KLHL22: variants seen among roughly 807,000 people sequenced by gnomAD.
The protein encoded by KLHL22 is kelch like family member 22.
Under a neutral mutation model 60.7 loss-of-function variants are expected in KLHL22, and 18 were observed. That is an observed-to-expected ratio of 0.30 (90% CI 0.20 to 0.44). KLHL22 has a LOEUF of 0.44. Among genes scored for constraint, KLHL22 ranks in the 20% least tolerant of loss-of-function variants. The probability of loss-of-function intolerance (pLI) is 1.00; values close to 1 mark genes in which losing one functional copy is unlikely to be tolerated. For synonymous variants in KLHL22, 355 were observed against 354.5 expected, an observed-to-expected ratio of 1.00 and a Z score of -0.01; for missense variants, 596 against 852.3, an observed-to-expected ratio of 0.70 and a Z score of 3.74.
At chr22:20,474,707 T>C (rs2053382421) in intron 2 of KLHL22, among the ~76,000 whole-genome samples, 1 of 152,364 alleles carries the variant, frequency 6.6e-6, no homozygotes, top group South Asian at 2.1e-4. Flanking sequence ...TCTCACTTCT[T>C]TAACCCATTT....
At chr22:20,467,224 C>T (rs575049271) in intron 3 of KLHL22, among the ~76,000 whole-genome samples, 1 of 152,308 alleles carries the variant, frequency 6.6e-6, no homozygotes, top group East Asian at 1.9e-4. Context: ...CTTGAACATT[C>T]CCAGGCACTG....
chr22:20,469,748 G>A (rs754966596), intron 3 of KLHL22, among the ~76,000 whole-genome samples: 5 of 145,400 alleles, frequency 3.4e-5, no homozygotes, highest in African/African-American at 5.1e-5. Context: ...ACATGCCCCC[G>A]AACAGGTTGG....
intron 5 of KLHL22, among the ~76,000 whole-genome samples, chr22:20,454,266 T>C (rs1440834381): frequency 6.6e-6 from 1 of 151,928 alleles, no homozygotes; most frequent in Non-Finnish European, 1.5e-5. Context: ...GAGGCAGAGG[T>C]TGCAGTGAGC....
At chr22:20,469,906 G>A (rs183607623) in intron 3 of KLHL22, among the ~76,000 whole-genome samples, 13 of 152,130 alleles carry the variant, frequency 8.5e-5, no homozygotes, top group African/African-American at 2.9e-4. Flanking sequence ...TCAGGCCTCT[G>A]CCTGATAGCT....
chr22:20,468,824 T>A (rs532298013), intron 3 of KLHL22, among the ~76,000 whole-genome samples: 2 of 152,284 alleles, frequency 1.3e-5, no homozygotes, highest in Non-Finnish European at 2.9e-5. Flanking sequence ...CATGCCCGGC[T>A]ATTTTTAAAG....
intron 5 of KLHL22, among the ~76,000 whole-genome samples, chr22:20,455,027 G>A (rs1569126311): frequency 6.6e-6 from 1 of 152,054 alleles, no homozygotes; most frequent in African/African-American, 2.4e-5. Context: ...GACTATAGGC[G>A]CCTGCCACCA....
intron 3 of KLHL22, 84 bp downstream of exon 3, chr22:20,471,266 T>C (rs980547859): frequency 7.4e-7 from 1 of 1,343,718 alleles, no homozygotes; most frequent in African/African-American, 1.4e-5. Context: ...TTCAAGCCAA[T>C]GCTAGTGCCC....
Position 20,465,299 on chromosome 22 carries a change from A to G in KLHL22, c.671T>C (p.Leu224Pro). The change falls in exon 4 of 7, where the codon CTG becomes CCG. Residue 224 changes from leucine to proline, a missense_variant. Leu to Pro is a moderately conservative substitution (Grantham distance 98). Coordinates refer to ENST00000328879, the MANE Select transcript of KLHL22 (RefSeq NM_032775.4). The surrounding 1 kb of genome is among the most constrained non-coding windows in gnomAD (Gnocchi z 4.9). The stretch of plus-strand genomic sequence containing the variant: ...GATCTGGTCAGCCTGCACCTGCTCC[A>G]GGCTATAATGGTAGAGAAGGGCCCC... ...YEGALLYHYS[L>P]EQVQADQISL... 6.2e-7 allele frequency: 1 copy of G among 1,614,142 alleles called. No homozygotes were observed. Among genetic ancestry groups the G allele is most frequent in the Non-Finnish European group, 8.5e-7 (1 of 1,180,034 alleles).
At chr22:20,445,894 G>C (rs544273884) in intron 6 of KLHL22, among the ~76,000 whole-genome samples, 22 of 152,232 alleles carry the variant, frequency 1.4e-4, no homozygotes, top group African/African-American at 5.1e-4. Context: ...CTCCCAAGTA[G>C]CTGAGAGTAC....
chr22:20,446,801 C>T, intron 5 of KLHL22, 125 bp from the exon 6 acceptor site: 1 of 709,978 alleles, frequency 1.4e-6, no homozygotes, highest in Non-Finnish European at 2.5e-6. Context: ...CCACTTCCCA[C>T]TCACATACAG....
At chr22:20,471,242 AT>A in intron 3 of KLHL22, 107 bp downstream of exon 3, 3 of 1,070,878 alleles carry the variant, frequency 2.8e-6, no homozygotes, top group Non-Finnish European at 4.0e-6. Flanking sequence ...GTCTCCTCAC[AT>A]TCCTGACCCA....
intron 3 of KLHL22, among the ~76,000 whole-genome samples, chr22:20,466,294 A>G (rs1044499263): frequency 7.4e-5 from 11 of 149,082 alleles, no homozygotes; most frequent in Non-Finnish European, 4.4e-5. Flanking sequence ...GAATCGCTGG[A>G]ACCCAGGAGG....
intron 1 of KLHL22, among the ~76,000 whole-genome samples, chr22:20,490,848 G>C (rs954385164): frequency 1.3e-5 from 2 of 152,122 alleles, no homozygotes; most frequent in African/African-American, 2.4e-5. Context: ...ACCTCCTGTT[G>C]TGCCACCTGG....
At chr22:20,488,948 T>C in intron 2 of KLHL22, 37 bp downstream of exon 2, 2 of 1,593,106 alleles carry the variant, frequency 1.3e-6, no homozygotes. Context: ...AGGATTACCT[T>C]TGTTATTCTT....
At chr22:20,480,917 C>T (rs2053489101) in intron 2 of KLHL22, among the ~76,000 whole-genome samples, 2 of 150,632 alleles carry the variant, frequency 1.3e-5, no homozygotes, top group Admixed American at 6.6e-5. Flanking sequence ...CTGCGAGCTC[C>T]GCCTCCTGGG....
chr22:20,471,594 GAGA>G, intron 2 of KLHL22, 79 bp from the exon 3 acceptor site: 1 of 1,494,004 alleles, frequency 6.7e-7, no homozygotes, highest in Non-Finnish European at 9.2e-7. Context: ...ACAGCATTCA[GAGA>G]AGAACCTGGC....
chr22:20,465,491 T>A lies in KLHL22; in HGVS notation c.479A>T (p.Glu160Val). Residue 160 changes from glutamate to valine, a missense_variant, in exon 4 of 7, where the codon GAG becomes GTG. Physicochemically the swap from Glu to Val is moderately radical, Grantham distance 121. Transcript: ENST00000328879. This position sits in a 1 kb window ranked among gnomAD's most constrained non-coding sequence, Gnocchi z 4.9. ...ENILDVYRLA[E>V]LFDLSRLTEQ... is the part of the protein sequence containing the mutation. Reference sequence around the variant, plus strand: ...AGTCAGGCGGCTCAAGTCAAACAGCTCTGCCAGCCGGTAGACATCGAGAAT... The same window carrying A: ...AGTCAGGCGGCTCAAGTCAAACAGCACTGCCAGCCGGTAGACATCGAGAAT... The A allele has an allele frequency of 6.2e-7, 1 of 1,612,456 alleles. No homozygotes were observed. Among genetic ancestry groups the A allele is most frequent in the Non-Finnish European group, 8.5e-7 (1 of 1,178,528 alleles).
chr22:20,482,658 C>T (rs565690921), intron 2 of KLHL22, among the ~76,000 whole-genome samples: 6 of 152,140 alleles, frequency 3.9e-5, no homozygotes, highest in South Asian at 4.1e-4. Flanking sequence ...CTGCAACCTC[C>T]GCCTCCCAGG....
chr22:20,459,650 G>T (rs1456546161), intron 4 of KLHL22, among the ~76,000 whole-genome samples: 2 of 152,178 alleles, frequency 1.3e-5, no homozygotes, highest in Non-Finnish European at 2.9e-5. Flanking sequence ...GTAGCCTCTG[G>T]CTCAGGACAG....
Sources: gnomAD v4.1 joint callset for allele counts (sites outside exome capture counted in the v4.1 genomes callset) on GRCh38, gnomAD v4.1.1 for gene constraint, Gnocchi (gnomAD v3.1) non-coding constraint, MANE v1.5 for transcripts, NCBI Gene and HGNC (gene_info 2026-07-23, HGNC 2026-07-21) for gene names.